Variants in ARHGEF26 observed in about 807,000 individuals in gnomAD.
The protein encoded by ARHGEF26 is Rho guanine nucleotide exchange factor (GEF) 26.
ARHGEF26 carries 59 observed loss-of-function variants against 89.4 expected under a neutral mutation model. That is an observed-to-expected ratio of 0.66 (90% CI 0.54 to 0.82). The LOEUF is 0.82. ARHGEF26 is among the 40% of genes least tolerant of loss of function. The pLI, the probability that ARHGEF26 is intolerant of heterozygous loss-of-function variation, is 0.00. For synonymous variants in ARHGEF26, 500 were observed against 428.4 expected (o/e 1.17, Z -2.06); for missense variants, 1,234 against 1,085.6 (o/e 1.14, Z -1.92).
intron 6 of ARHGEF26, among the ~76,000 whole-genome samples, chr3:154,158,048 T>C (rs1190043898): frequency 2.0e-5 from 3 of 152,082 alleles, no homozygotes; most frequent in African/African-American, 7.2e-5. Context: ...CCCAGTAGAC[T>C]TGGGGGGCTC....
At chr3:154,238,238 G>T (rs1480466457) in intron 11 of ARHGEF26, among the ~76,000 whole-genome samples, 2 of 152,076 alleles carry the variant, frequency 1.3e-5, no homozygotes, top group African/African-American at 4.8e-5. Flanking sequence ...TCTCATTTTG[G>T]ATGTGAGAAA....
chr3:154,128,481 T>C (rs1385400589), intron 3 of ARHGEF26, among the ~76,000 whole-genome samples: 1 of 152,118 alleles, frequency 6.6e-6, no homozygotes, highest in African/African-American at 2.4e-5. Context: ...TCAAGTGATC[T>C]GCCCATGTCA....
In ARHGEF26 at chr3:154,122,226, T is replaced by C. The variant is rs749112695; in HGVS notation, c.234T>C (p.His78=). The C allele has an allele frequency of 2.5e-6, 4 of 1,609,400 alleles. No homozygotes were observed. Among genetic ancestry groups the C allele is most frequent in the Non-Finnish European group, 3.4e-6 (4 of 1,178,268 alleles). Residue 78 remains histidine, a synonymous_variant, in exon 2 of 15, where the codon CAT becomes CAC. Transcript: ENST00000465093. ...VPTASDSRTV[H]RSPLLLGAQR... ...CCGCCTCGGACAGCAGGACGGTACA[T>C]AGGAGCCCCCTGCTTCTGGGCGCCC...
At chr3:154,145,330 G>A (rs1256982684) in intron 4 of ARHGEF26, among the ~76,000 whole-genome samples, 1 of 152,196 alleles carries the variant, frequency 6.6e-6, no homozygotes, top group African/African-American at 2.4e-5. Context: ...ATTGTGTCCT[G>A]TGGTATAATT....
intron 9 of ARHGEF26, among the ~76,000 whole-genome samples, chr3:154,201,417 G>T (rs1253819119): frequency 6.6e-6 from 1 of 151,720 alleles, no homozygotes; most frequent in African/African-American, 2.4e-5. Flanking sequence ...TGGACATTTG[G>T]GTTGGTTCCA....
intron 6 of ARHGEF26, among the ~76,000 whole-genome samples, chr3:154,171,471 A>G (rs1300927706): frequency 2.0e-5 from 3 of 152,174 alleles, no homozygotes; most frequent in Non-Finnish European, 4.4e-5. Context: ...CATTATTAGT[A>G]TCATACAGAA....
intron 6 of ARHGEF26, among the ~76,000 whole-genome samples, chr3:154,160,165 A>G (rs1300553257): frequency 6.6e-6 from 1 of 152,174 alleles, no homozygotes; most frequent in Non-Finnish European, 1.5e-5. Flanking sequence ...ATTAATGACA[A>G]AGAAGTTTAT....
At chr3:154,237,568 A>ACACACG (rs1451626208) in intron 11 of ARHGEF26, among the ~76,000 whole-genome samples, 1 of 151,712 alleles carries the variant, frequency 6.6e-6, no homozygotes, top group African/African-American at 2.4e-5. Flanking sequence ...ACACACACAC[A>ACACACG]CACACTTAAC....
At chr3:154,231,491 A>T (rs545137634) in intron 11 of ARHGEF26, among the ~76,000 whole-genome samples, 21 of 152,326 alleles carry the variant, frequency 1.4e-4, no homozygotes, top group Admixed American at 5.9e-4. Flanking sequence ...TGTGAGAATT[A>T]AATGAGATAA....
intron 4 of ARHGEF26, among the ~76,000 whole-genome samples, chr3:154,141,793 T>A (rs945732252): frequency 6.6e-6 from 1 of 152,246 alleles, no homozygotes; most frequent in Non-Finnish European, 1.5e-5. Flanking sequence ...ATAGTATTTT[T>A]AATTTTTTTC....
At chr3:154,172,387 A>AGGCCAGCCTAGGCAG (rs1353102630) in intron 6 of ARHGEF26, among the ~76,000 whole-genome samples, 73 of 152,342 alleles carry the variant, frequency 4.8e-4, no homozygotes, top group African/African-American at 1.7e-3. Context: ...GTTTAAAGAC[A>AGGCCAGCCTAGGCAG]GGCCAGCCTA....
chr3:154,254,180 G>A (rs1718335180), intron 13 of ARHGEF26, among the ~76,000 whole-genome samples: 1 of 152,152 alleles, frequency 6.6e-6, no homozygotes, highest in African/African-American at 2.4e-5. Flanking sequence ...CTCCCAAAGT[G>A]CTGGGATTAC....
At position 154,187,668 on chromosome 3, in the gene ARHGEF26, TCCC is replaced by T. The variant is rs1576753933; in HGVS notation, c.1488-16_1488-14del. ...TATGAAAGAAGTGTTAATTTTTTTT[TCCC>T]TTTGGTTTTTCAGGTTCTTTATAGA... is the stretch of plus-strand genomic sequence containing the variant. On this transcript the variant is annotated splice_polypyrimidine_tract_variant and intron_variant, in intron 6 of 14. Transcript: ENST00000465093. 1.3e-6 allele frequency: 2 copies of T among 1,582,996 alleles called. No individual in the cohort carries two copies. Among genetic ancestry groups the T allele is most frequent in the Non-Finnish European group, 1.7e-6 (2 of 1,163,390 alleles).
intron 3 of ARHGEF26, among the ~76,000 whole-genome samples, chr3:154,128,988 A>T (rs1374900389): frequency 2.6e-5 from 4 of 152,136 alleles, no homozygotes; most frequent in Non-Finnish European, 5.9e-5. Context: ...TTTAGTGTCT[A>T]TTATTGTATT....
chr3:154,130,432 CATCTA>C (rs1718617602), intron 4 of ARHGEF26, among the ~76,000 whole-genome samples: 1 of 152,130 alleles, frequency 6.6e-6, no homozygotes, highest in Non-Finnish European at 1.5e-5. Context: ...TGAGCCACCG[CATCTA>C]GCCCTTCCTT....
At position 154,202,858 on chromosome 3, in the gene ARHGEF26, G is replaced by A. The variant is rs531806160; in HGVS notation, c.1845+8140G>A. On this transcript the variant is annotated intron_variant, in intron 9 of 14. Transcript: ENST00000465093. ...TTTGCACATTGATTTTGTATCCTGA[G>A]ACTTCGCTGAAGTTGCCTATCAGCT... Among the ~76,000 whole-genome samples the A allele has an allele frequency of 4.6e-5, 7 of 151,992 alleles. No individual in the cohort carries two copies. The East Asian group carries it at 1.2e-3, about 25-fold the overall frequency.
At chr3:154,138,503 T>C (rs1193805042) in intron 4 of ARHGEF26, among the ~76,000 whole-genome samples, 1 of 152,114 alleles carries the variant, frequency 6.6e-6, no homozygotes, top group Admixed American at 6.5e-5. Flanking sequence ...AACTGAGTGG[T>C]AGATCTGCCA....
rs776031863 is a variant in ARHGEF26 at position 154,240,472 on chromosome 3, C to T, written c.2193C>T (p.Ser731=). 2 of 1,613,384 alleles carry T rather than the reference C, an allele frequency of 1.2e-6. No individual in the cohort carries two copies. Among genetic ancestry groups the T allele is most frequent in the Admixed American group, 3.3e-5 (2 of 59,952 alleles). ...ATTCTTCTCCAGGGAAGAACAGCTC[C>T]ACAATGCTCTATTCAAGACAGAGCT... ...ELNSSPGKNS[S]TMLYSRQSSA... The change falls in exon 12 of 15, where the codon TCC becomes TCT. Residue 731 remains serine, a synonymous_variant. Transcript: ENST00000465093.
chr3:154,238,293 T>C (rs1332010363), intron 11 of ARHGEF26, among the ~76,000 whole-genome samples: 1 of 152,224 alleles, frequency 6.6e-6, no homozygotes, highest in East Asian at 1.9e-4. Flanking sequence ...GTAGGCAGTC[T>C]CAGGAGAACT....
Sources: allele counts gnomAD v4.1 joint callset (sites outside exome capture counted in the v4.1 genomes callset), GRCh38; gene constraint gnomAD v4.1.1; transcripts MANE v1.5; gene names NCBI Gene and HGNC (gene_info 2026-07-23, HGNC 2026-07-21).